MAST4: variants seen among roughly 807,000 people sequenced by gnomAD.
MAST4 encodes microtubule associated serine/threonine kinase family member 4.
MAST4 carries 89 observed loss-of-function variants against 162.7 expected under a neutral mutation model. The ratio of observed to expected loss-of-function variants is 0.55; its 90% CI spans 0.46 to 0.65. MAST4 has a LOEUF of 0.65. Among genes scored for constraint, MAST4 ranks in the 30% least tolerant of loss-of-function variants. The pLI is 0.00. For synonymous variants in MAST4, 1,479 were observed against 1,361.1 expected, an observed-to-expected ratio of 1.09 and a Z score of -1.91; for missense variants, 3,153 against 3,374.0, an observed-to-expected ratio of 0.93 and a Z score of 1.62.
In MAST4 at chr5:66,759,804, A is replaced by G. The variant is rs1753751688; in HGVS notation, c.459A>G (p.Arg153=). ...SGPGKSLKYK[R]QLSEDGRQLR... ...CTGGAAAATCACTGAAGTATAAAAG[A>G]CAGCTGAGTGAGGATGGAAGACAGC... The change falls in exon 2 of 29, where the codon AGA becomes AGG. Residue 153 remains arginine (R), a synonymous_variant. Transcript: ENST00000403625. 4 of 1,613,942 alleles carry G rather than the reference A, an allele frequency of 2.5e-6. No homozygotes were observed. The highest frequency in any genetic ancestry group is 3.4e-6 in the Non-Finnish European group (4 of 1,179,884).
chr5:66,882,918 A>G lies in MAST4; in HGVS notation c.643-17033A>G, dbSNP rs17215834. ...CACCTACTTGAAAAATTACCGATAC[A>G]AGAAGAAGCAAAAACTCCTATTTCT... On this transcript the variant is annotated intron_variant, in intron 3 of 28. Transcript: ENST00000403625. 7.6e-3 allele frequency among the ~76,000 whole-genome samples: 1,153 copies of G among 152,308 alleles called. 18 individuals carry two copies. Among genetic ancestry groups the G allele is most frequent in the African/African-American group, 0.026 (1,091 of 41,572 alleles).
chr5:66,965,157 G>GCTTTTATA (rs1022441639), intron 4 of MAST4, among the ~76,000 whole-genome samples: 1 of 147,468 alleles, frequency 6.8e-6, no homozygotes, highest in African/African-American at 2.5e-5. Flanking sequence ...TTGTGTAATA[G>GCTTTTATA]CTTTTATACA....
At chr5:66,844,125 T>A (rs886435806) in intron 3 of MAST4, among the ~76,000 whole-genome samples, 1 of 146,030 alleles carries the variant, frequency 6.8e-6, no homozygotes, top group South Asian at 2.2e-4. Context: ...CTTTAACAGC[T>A]GGTCCCAGTC....
At position 66,788,669 on chromosome 5, in the gene MAST4, G is replaced by A; in HGVS notation, c.518-1G>A. On this transcript the variant is annotated splice_acceptor_variant, in intron 2 of 28. Transcript: ENST00000403625. LOFTEE classifies it high-confidence loss of function. ...CATTTTCTTCTCTTTAACTCCAACA[G>A]GGAGGTACCTTCTTCCAAACCCGGT... 1 of 1,376,398 alleles carries A rather than the reference G, an allele frequency of 7.3e-7. No homozygotes were observed. The highest frequency in any genetic ancestry group is 9.6e-7 in the Non-Finnish European group (1 of 1,039,568). The allele number at this position is 1,376,398 out of a possible 1,614,324, so 85.3% of individuals were successfully genotyped here. A position where few individuals can be genotyped will look rare whatever the true frequency, so the allele number is the denominator to read the frequency against.
At chr5:66,647,569 AAT>A (rs1491099279) in intron 1 of MAST4, among the ~76,000 whole-genome samples, 80 of 138,082 alleles carry the variant, frequency 5.8e-4, no homozygotes, top group African/African-American at 2.1e-3. Flanking sequence ...AAGGAAAAAA[AAT>A]AGAAGTTAAA....
intron 16 of MAST4, among the ~76,000 whole-genome samples, chr5:67,132,876 A>G (rs571771696): frequency 1.3e-5 from 2 of 152,154 alleles, no homozygotes; most frequent in Non-Finnish European, 2.9e-5. Flanking sequence ...AAATTTTGGG[A>G]TATTTCCATC....
chr5:66,682,996 G>A (rs563720015), intron 1 of MAST4, among the ~76,000 whole-genome samples: 6 of 152,214 alleles, frequency 3.9e-5, no homozygotes, highest in Non-Finnish European at 8.8e-5. Flanking sequence ...AAGGGCAGGC[G>A]AAGGGGTGGT....
intron 5 of MAST4, among the ~76,000 whole-genome samples, chr5:67,078,857 TATATAA>T (rs1392406680): frequency 3.0e-4 from 35 of 116,884 alleles, no homozygotes; most frequent in African/African-American, 7.3e-4. Context: ...TTTATATATT[TATATAA>T]ATATATATTT....
chr5:66,985,567 T>C (rs185983159), intron 4 of MAST4, among the ~76,000 whole-genome samples: 9 of 152,304 alleles, frequency 5.9e-5, no homozygotes, highest in Non-Finnish European at 1.2e-4. Context: ...AGGCCTGGAA[T>C]GATTTTATAA....
intron 21 of MAST4, 69 bp downstream of exon 21, chr5:67,142,602 C>A: frequency 9.6e-7 from 1 of 1,043,184 alleles, no homozygotes; most frequent in Non-Finnish European, 1.4e-6. Flanking sequence ...GATAGTATCC[C>A]CGAACAGCTG....
In MAST4 at chr5:66,990,849, T is replaced by TG. The variant is rs1749996828; in HGVS notation, c.675-63551dup. On this transcript the variant is annotated intron_variant, in intron 4 of 28. Coordinates refer to ENST00000403625, the MANE Select transcript of MAST4 (RefSeq NM_001164664.2). ...ACAGATAGAGTACATGTGATTTCTTTGGGGAAACAGATATAGTTTTATTTA... is the reference window on the plus strand; with the variant it reads ...ACAGATAGAGTACATGTGATTTCTTTGGGGGAAACAGATATAGTTTTATTTA... Among the ~76,000 whole-genome samples, 4 of 152,174 alleles carry TG rather than the reference T, an allele frequency of 2.6e-5. No homozygotes were observed. The South Asian group carries it at 8.3e-4, about 32-fold the overall frequency.
At chr5:66,959,868 T>C (rs1454704952) in intron 4 of MAST4, among the ~76,000 whole-genome samples, 1 of 152,140 alleles carries the variant, frequency 6.6e-6, no homozygotes, top group African/African-American at 2.4e-5. Context: ...GCTGTTTTTT[T>C]TTTTAACCCA....
chr5:67,090,028 T>G, intron 5 of MAST4, 134 bp from the exon 6 acceptor site: 3 of 625,786 alleles, frequency 4.8e-6, no homozygotes, highest in African/African-American at 1.9e-5. Flanking sequence ...CTGGTCCAGG[T>G]AAAACTAAAG....
rs754095073 is a variant in MAST4, at chr5:66,837,894, ATTTTTTTTTTTTTTT to A, written c.642+49109_642+49123del. ...TATATATATATATATATATATATAT[ATTTTTTTTTTTTTTT>A]TTTTTTTTAATGTGGAGGTGTTTGG... On this transcript the variant is annotated intron_variant, in intron 3 of 28. Coordinates refer to ENST00000403625, the MANE Select transcript of MAST4 (RefSeq NM_001164664.2). Among the ~76,000 whole-genome samples, 67 of 53,706 alleles carry A rather than the reference ATTTTTTTTTTTTTTT, an allele frequency of 1.2e-3. 1 individual carries two copies. The highest frequency in any genetic ancestry group is 4.0e-3 in the African/African-American group (39 of 9,670). The allele number at this position is 53,706 out of a possible 152,430, so 35.2% of individuals were successfully genotyped here.
Position 67,118,767 on chromosome 5 carries a change from T to A in MAST4, c.1659+18T>A. On this transcript the variant is annotated intron_variant, in intron 13 of 28. Transcript: ENST00000403625. ...CAGTGAGTGTAAGTATATTTCTTGA[T>A]GAAATATGATGTTGGTTTTTCTGTT... 1 of 1,427,060 alleles carries A rather than the reference T, an allele frequency of 7.0e-7. No homozygotes were observed. Among genetic ancestry groups the A allele is most frequent in the Non-Finnish European group, 9.7e-7 (1 of 1,036,096 alleles). The allele number at this position is 1,427,060 out of a possible 1,614,324, so 88.4% of individuals were successfully genotyped here.
chr5:67,142,754 A>T, intron 21 of MAST4: 1 of 434,352 alleles, frequency 2.3e-6, no homozygotes, highest in South Asian at 4.4e-5. Flanking sequence ...TTCCTGTGAG[A>T]CAACAGAGAT....
At chr5:66,659,262 G>A (rs1479615864) in intron 1 of MAST4, among the ~76,000 whole-genome samples, 1 of 152,162 alleles carries the variant, frequency 6.6e-6, no homozygotes, top group East Asian at 1.9e-4. Context: ...CTTCCTTGAT[G>A]ACTATTCGGC....
intron 4 of MAST4, among the ~76,000 whole-genome samples, chr5:66,964,964 A>G (rs1170117055): frequency 6.6e-6 from 1 of 152,262 alleles, no homozygotes; most frequent in African/African-American, 2.4e-5. Flanking sequence ...TACAAGCTTT[A>G]GATGATATCA....
chr5:66,737,811 T>G (rs1285143010), intron 1 of MAST4, among the ~76,000 whole-genome samples: 1 of 152,162 alleles, frequency 6.6e-6, no homozygotes, highest in Non-Finnish European at 1.5e-5. Context: ...ATCAGAGAAT[T>G]CCTTAGGACC....
Sources: gnomAD v4.1 joint callset for allele counts (sites outside exome capture counted in the v4.1 genomes callset) on GRCh38, gnomAD v4.1.1 for gene constraint, MANE v1.5 for transcripts, NCBI Gene and HGNC (gene_info 2026-07-23, HGNC 2026-07-21) for gene names.